Variants in FRAS1 observed in about 807,000 individuals in gnomAD.
FRAS1 encodes Fraser extracellular matrix complex subunit 1, also known as extracellular matrix organizing protein FRAS1.
Under a neutral mutation model 435.2 loss-of-function variants are expected in FRAS1, and 290 were observed. That is an observed-to-expected ratio of 0.67 (90% CI 0.61 to 0.73). FRAS1 has a LOEUF of 0.73. Ranked by LOEUF, FRAS1 falls within the 30% of genes least tolerant of loss-of-function variation. The pLI, the probability that FRAS1 is intolerant of heterozygous loss-of-function variation, is 0.00. For synonymous variants in FRAS1, 1,800 were observed against 1,851.0 expected, an observed-to-expected ratio of 0.97 and a Z score of 0.71; for missense variants, 4,860 against 5,001.5, an observed-to-expected ratio of 0.97 and a Z score of 0.85.
In FRAS1 at chr4:78,424,713, G is replaced by A. The variant is rs1733931806; in HGVS notation, c.4711+293G>A. Among the ~76,000 whole-genome samples, 4 of 151,896 alleles carry A rather than the reference G, an allele frequency of 2.6e-5. No individual in the cohort carries two copies. The South Asian group carries it at 8.3e-4, about 32-fold the overall frequency. The stretch of plus-strand genomic sequence containing the variant: ...GTCCAGCACTTTGGAAGGCTGATGG[G>A]GGAGCATCACTTAAGCCCAGGGGTT... On this transcript the variant is annotated intron_variant, in intron 35 of 73. Coordinates refer to ENST00000512123, the MANE Select transcript of FRAS1 (RefSeq NM_025074.7).
intron 63 of FRAS1, among the ~76,000 whole-genome samples, chr4:78,509,706 A>G (rs1047166165): frequency 3.9e-5 from 6 of 152,246 alleles, no homozygotes; most frequent in African/African-American, 1.4e-4. Flanking sequence ...CCCAACCTTA[A>G]CAAACAGCCC....
chr4:78,441,221 T>A lies in FRAS1; in HGVS notation c.5589T>A (p.Asp1863Glu), dbSNP rs776591070. The stretch of plus-strand genomic sequence containing the variant: ...ACCATTTTTTTGCTACTGATGATGA[T>A]GACAACCTCCAGAGAGATGCCATCA... ...SFHHFFATDD[D>E]DNLQRDAIIK... Residue 1863 changes from aspartate to glutamate, a missense_variant, in exon 41 of 74, where the codon GAT becomes GAA. Physicochemically the swap from Asp to Glu is conservative, Grantham distance 45. Transcript: ENST00000512123. 1 of 1,613,840 alleles carries A rather than the reference T, an allele frequency of 6.2e-7. No homozygotes were observed. The highest frequency in any genetic ancestry group is 2.2e-5 in the East Asian group (1 of 44,886).
In FRAS1 at chr4:78,479,512, C is replaced by T. The variant is rs1719947013; in HGVS notation, c.8237C>T (p.Pro2746Leu). 1 of 1,613,698 alleles carries T rather than the reference C, an allele frequency of 6.2e-7. No individual in the cohort carries two copies. Among genetic ancestry groups the T allele is most frequent in the South Asian group, 1.1e-5 (1 of 91,062 alleles). The change falls in exon 56 of 74, where the codon CCT becomes CTT. Residue 2746 changes from proline to leucine, a missense_variant. Transcript: ENST00000512123. ...MSAASRVIFG[P>L]GVTMSTCDVM... ...GCCGCGAGTCGTGTGATATTCGGGCCTGGTGTGACCATGTCCACCTGTGAT... is the reference window on the plus strand; with the variant it reads ...GCCGCGAGTCGTGTGATATTCGGGCTTGGTGTGACCATGTCCACCTGTGAT...
At chr4:78,067,750 G>A (rs981311646) in intron 2 of FRAS1, among the ~76,000 whole-genome samples, 1 of 148,362 alleles carries the variant, frequency 6.7e-6, no homozygotes, top group Non-Finnish European at 1.5e-5. Context: ...CCAGGCTGGA[G>A]TGCAGGGATC....
chr4:78,338,271 T>C (rs1210052786), intron 20 of FRAS1, among the ~76,000 whole-genome samples: 1 of 127,338 alleles, frequency 7.9e-6, no homozygotes, highest in Non-Finnish European at 1.6e-5. Flanking sequence ...GGAGATGGGA[T>C]TTTTTTTTTC....
intron 30 of FRAS1, among the ~76,000 whole-genome samples, chr4:78,403,831 A>T (rs544295879): frequency 4.6e-5 from 7 of 152,322 alleles, no homozygotes; most frequent in Admixed American, 2.0e-4. Flanking sequence ...ATGTGCCCAG[A>T]ATATTTGCAT....
intron 19 of FRAS1, among the ~76,000 whole-genome samples, chr4:78,334,552 G>A (rs949812601): frequency 1.4e-4 from 21 of 149,828 alleles, no homozygotes; most frequent in African/African-American, 5.0e-4. Context: ...TCTATTTTTA[G>A]TAGAGACAGG....
chr4:78,402,180 TAACTA>T (rs1480242882), intron 30 of FRAS1, among the ~76,000 whole-genome samples: 1 of 152,080 alleles, frequency 6.6e-6, no homozygotes, highest in Non-Finnish European at 1.5e-5. Flanking sequence ...TTTTTTAAAA[TAACTA>T]AATTGATCAT....
At chr4:78,498,366 C>T (rs1475820001) in intron 60 of FRAS1, among the ~76,000 whole-genome samples, 2 of 151,974 alleles carry the variant, frequency 1.3e-5, no homozygotes, top group Non-Finnish European at 2.9e-5. Context: ...ATTAGCCAGG[C>T]GTGGTGGCAT....
At position 78,479,757 on chromosome 4, in the gene FRAS1, C is replaced by T. The variant is rs746123363; in HGVS notation, c.8443+39C>T. Reference sequence around the variant, plus strand: ...TCTCTGAGTTTCCTTCACCTGTCTCCTGATTCCTTTCTTGAGCAGTTTTCT... The same window carrying T: ...TCTCTGAGTTTCCTTCACCTGTCTCTTGATTCCTTTCTTGAGCAGTTTTCT... On this transcript the variant is annotated intron_variant, in intron 56 of 73. Coordinates refer to ENST00000512123, the MANE Select transcript of FRAS1 (RefSeq NM_025074.7). 7 of 1,446,722 alleles carry T rather than the reference C, an allele frequency of 4.8e-6. No individual in the cohort carries two copies. In the South Asian group the frequency reaches 8.6e-5, roughly 18 times the overall value. The allele number at this position is 1,446,722 out of a possible 1,614,324, so 89.6% of individuals were successfully genotyped here.
chr4:78,186,082 T>C, intron 2 of FRAS1, among the ~76,000 whole-genome samples: 1 of 152,190 alleles, frequency 6.6e-6, no homozygotes, highest in Middle Eastern at 3.2e-3. Context: ...ATCAGAAACT[T>C]GGGGTTTTCA....
At chr4:78,407,459 G>A (rs1363373720) in intron 30 of FRAS1, among the ~76,000 whole-genome samples, 1 of 152,112 alleles carries the variant, frequency 6.6e-6, no homozygotes, top group Non-Finnish European at 1.5e-5. Flanking sequence ...TCTTTTAGCA[G>A]AAAGCCTGAG....
chr4:78,436,412 C>T (rs1734430351), intron 38 of FRAS1, among the ~76,000 whole-genome samples: 2 of 152,162 alleles, frequency 1.3e-5, no homozygotes, highest in African/African-American at 4.8e-5. Context: ...AGGAATTTGG[C>T]ATTGCCACGT....
chr4:78,130,477 T>G (rs1191108094), intron 2 of FRAS1, among the ~76,000 whole-genome samples: 1 of 152,204 alleles, frequency 6.6e-6, no homozygotes, highest in Non-Finnish European at 1.5e-5. Context: ...GATCAGAACG[T>G]GCACACTTTT....
At chr4:78,311,916 A>T (rs345523) in intron 15 of FRAS1, among the ~76,000 whole-genome samples, 49,504 of 151,696 alleles carry the variant, frequency 0.33, 8,755 homozygotes, top group African/African-American at 0.38. Flanking sequence ...CCTTTTATGG[A>T]GTTCATTTTA....
intron 25 of FRAS1, among the ~76,000 whole-genome samples, chr4:78,375,213 A>G (rs538329657): frequency 1.3e-5 from 2 of 152,186 alleles, no homozygotes; most frequent in Admixed American, 6.5e-5. Flanking sequence ...ACTAAAAACA[A>G]TAATAATAAG....
In FRAS1 at chr4:78,387,625, C is replaced by G. The variant is rs1433059189; in HGVS notation, c.3899C>G (p.Ser1300Cys). The change falls in exon 29 of 74, where the codon TCC becomes TGC. Residue 1300 changes from serine (S) to cysteine (C), a missense_variant. Ser to Cys is a moderately radical substitution (Grantham distance 112). Coordinates refer to ENST00000512123, the MANE Select transcript of FRAS1 (RefSeq NM_025074.7). The stretch of plus-strand genomic sequence containing the variant: ...GCTCATGATGGTTCAGACAGCACAT[C>G]CGATGTTGCAGTCTTGCAGGCCAAT... Reference protein sequence around the residue: ...HYAHDGSDSTSDVAVLQANDG... With the variant: ...HYAHDGSDSTCDVAVLQANDG... 1.9e-6 allele frequency: 3 copies of G among 1,610,048 alleles called. No individual in the cohort carries two copies. In the South Asian group the frequency reaches 3.3e-5, roughly 18 times the overall value.
intron 2 of FRAS1, among the ~76,000 whole-genome samples, chr4:78,134,354 A>G (rs1020111752): frequency 1.3e-5 from 2 of 151,786 alleles, no homozygotes; most frequent in South Asian, 2.1e-4. Flanking sequence ...TCTGCTGTCC[A>G]TTTACTCAAG....
intron 23 of FRAS1, 84 bp from the exon 24 acceptor site, chr4:78,372,634 C>A: frequency 6.5e-7 from 1 of 1,527,428 alleles, no homozygotes; most frequent in Non-Finnish European, 9.0e-7. Context: ...CTCCTTGCAG[C>A]TGCAGACAGA....
Sources: allele counts gnomAD v4.1 joint callset (sites outside exome capture counted in the v4.1 genomes callset), GRCh38; gene constraint gnomAD v4.1.1; transcripts MANE v1.5; gene names NCBI Gene and HGNC (gene_info 2026-07-23, HGNC 2026-07-21).